Variants in EEFSEC observed in about 807,000 individuals in gnomAD.
EEFSEC encodes the protein selenocysteine-specific elongation factor.
EEFSEC carries 43 observed loss-of-function variants against 42.1 expected under a neutral mutation model. The ratio of observed to expected loss-of-function variants is 1.02; its 90% CI spans 0.80 to 1.32. The LOEUF (loss-of-function observed/expected upper bound fraction) is 1.32. Ranked by LOEUF, EEFSEC falls within the 40% of genes most tolerant of loss-of-function variation. EEFSEC has a pLI of 0.00. For synonymous variants in EEFSEC, 354 were observed against 339.1 expected (o/e 1.04, Z -0.48); for missense variants, 745 against 803.6 (o/e 0.93, Z 0.88).
intron 4 of EEFSEC, among the ~76,000 whole-genome samples, chr3:128,284,094 A>G (rs974562300): frequency 1.4e-4 from 21 of 152,008 alleles, no homozygotes; most frequent in African/African-American, 4.8e-4. Flanking sequence ...GAGTCATACC[A>G]CCGTGCTGCT....
intron 6 of EEFSEC, among the ~76,000 whole-genome samples, chr3:128,399,368 T>A (rs1395890458): frequency 6.6e-6 from 1 of 152,112 alleles, no homozygotes; most frequent in Non-Finnish European, 1.5e-5. Context: ...ATCAAAGGGG[T>A]GCATGAGCCC....
At chr3:128,358,174 C>G in intron 5 of EEFSEC, 43 bp from the exon 6 acceptor site, 2 of 1,600,666 alleles carry the variant, frequency 1.2e-6, no homozygotes. Context: ...TTTCAGTGTG[C>G]ACCACTAATG....
chr3:128,315,327 A>G (rs557256024), intron 4 of EEFSEC, among the ~76,000 whole-genome samples: 18 of 152,316 alleles, frequency 1.2e-4, no homozygotes, highest in African/African-American at 4.1e-4. Flanking sequence ...TCAGCAGAAA[A>G]ATAAAATGAC....
chr3:128,206,834 C>T (rs1334082379), intron 1 of EEFSEC, among the ~76,000 whole-genome samples: 1 of 152,122 alleles, frequency 6.6e-6, no homozygotes, highest in East Asian at 1.9e-4. Flanking sequence ...CTTCTGCTGC[C>T]CTGCCGACTT....
At chr3:128,251,709 A>G (rs1201965130) in intron 2 of EEFSEC, among the ~76,000 whole-genome samples, 1 of 152,128 alleles carries the variant, frequency 6.6e-6, no homozygotes, top group Non-Finnish European at 1.5e-5. Context: ...TAACCCTTCT[A>G]TCATATTTGC....
intron 4 of EEFSEC, among the ~76,000 whole-genome samples, chr3:128,323,163 G>A (rs148232347): frequency 3.5e-4 from 54 of 152,248 alleles, no homozygotes; most frequent in Non-Finnish European, 6.5e-4. Flanking sequence ...TGCACTTAGG[G>A]GTAGTTCACA....
At chr3:128,231,615 TC>T (rs1436886477) in intron 1 of EEFSEC, among the ~76,000 whole-genome samples, 1 of 152,156 alleles carries the variant, frequency 6.6e-6, no homozygotes, top group Non-Finnish European at 1.5e-5. Flanking sequence ...AGGCTGGCCC[TC>T]CCCAGGGATT....
chr3:128,204,647 G>C (rs1487646153), intron 1 of EEFSEC, among the ~76,000 whole-genome samples: 1 of 152,048 alleles, frequency 6.6e-6, no homozygotes, highest in Non-Finnish European at 1.5e-5. Context: ...TTTCCTGGGA[G>C]CATCTCCACG....
intron 6 of EEFSEC, among the ~76,000 whole-genome samples, chr3:128,392,482 C>T (rs1337020113): frequency 6.6e-6 from 1 of 152,220 alleles, no homozygotes; most frequent in East Asian, 1.9e-4. Context: ...GGTACCTCAG[C>T]TCACCCGTGA....
At chr3:128,285,029 G>A (rs2066568572) in intron 4 of EEFSEC, among the ~76,000 whole-genome samples, 1 of 152,090 alleles carries the variant, frequency 6.6e-6, no homozygotes, top group Non-Finnish European at 1.5e-5. Flanking sequence ...GGTCCAGAGT[G>A]GGTGTGGAAA....
intron 3 of EEFSEC, among the ~76,000 whole-genome samples, chr3:128,263,584 A>C (rs539903200): frequency 6.6e-6 from 1 of 152,334 alleles, no homozygotes; most frequent in African/African-American, 2.4e-5. Flanking sequence ...TATTCCTTTA[A>C]GAAGCCCCTA....
At chr3:128,293,315 G>A (rs1476042718) in intron 4 of EEFSEC, among the ~76,000 whole-genome samples, 1 of 152,160 alleles carries the variant, frequency 6.6e-6, no homozygotes, top group Non-Finnish European at 1.5e-5. Context: ...TCAGTTCAGA[G>A]TAGAAAAGCT....
In EEFSEC at chr3:128,267,855, C is replaced by A. The variant is rs58760196; in HGVS notation, c.786+3074C>A. On this transcript the variant is annotated intron_variant, in intron 4 of 6. Coordinates refer to ENST00000254730, the MANE Select transcript of EEFSEC (RefSeq NM_021937.5). ...AGCCGTCTTGGCTAATGGCATGGAC[C>A]CCTTGATGTATATAAGAGACCCTCA... Among the ~76,000 whole-genome samples the A allele has an allele frequency of 8.9e-4, 136 of 152,172 alleles. 1 individual carries two copies. The highest frequency in any genetic ancestry group is 3.2e-3 in the African/African-American group (132 of 41,504).
chr3:128,278,657 G>C (rs755973526), intron 4 of EEFSEC, among the ~76,000 whole-genome samples: 6 of 152,246 alleles, frequency 3.9e-5, no homozygotes, highest in Non-Finnish European at 8.8e-5. Context: ...AGCTTCAGCT[G>C]TTTCATCTAA....
intron 4 of EEFSEC, among the ~76,000 whole-genome samples, chr3:128,300,317 A>G (rs1270360744): frequency 6.6e-6 from 1 of 152,212 alleles, no homozygotes; most frequent in Admixed American, 6.5e-5. Flanking sequence ...TAAAAAGCCA[A>G]TGCGGGCCAG....
At chr3:128,300,317 A>C (rs1270360744) in intron 4 of EEFSEC, among the ~76,000 whole-genome samples, 1 of 152,212 alleles carries the variant, frequency 6.6e-6, no homozygotes, top group African/African-American at 2.4e-5. Flanking sequence ...TAAAAAGCCA[A>C]TGCGGGCCAG....
chr3:128,358,322 A>G lies in EEFSEC; in HGVS notation c.1549A>G (p.Ile517Val), dbSNP rs758885968. The change falls in exon 6 of 7, where the codon ATC becomes GTC. Residue 517 changes from isoleucine to valine, a missense_variant. Physicochemically the swap from Ile to Val is conservative, Grantham distance 29. Coordinates refer to ENST00000254730, the MANE Select transcript of EEFSEC (RefSeq NM_021937.5). Reference sequence around the variant, plus strand: ...GCACTTGTCCACTGGGGAACTGGGCATCATCGACAGTGCCTTCGGCCAGAG... The same window carrying G: ...GCACTTGTCCACTGGGGAACTGGGCGTCATCGACAGTGCCTTCGGCCAGAG... ...KVHLSTGELG[I>V]IDSAFGQSGK... 6.2e-7 allele frequency: 1 copy of G among 1,614,254 alleles called. No individual in the cohort carries two copies. The highest frequency in any genetic ancestry group is 1.1e-5 in the South Asian group (1 of 91,084).
At chr3:128,358,167 C>A in intron 5 of EEFSEC, 50 bp from the exon 6 acceptor site, 1 of 1,591,782 alleles carries the variant, frequency 6.3e-7, no homozygotes, top group Non-Finnish European at 8.6e-7. Context: ...ACAGCTCTTT[C>A]AGTGTGCACC....
intron 4 of EEFSEC, among the ~76,000 whole-genome samples, chr3:128,327,244 A>G (rs929461351): frequency 6.6e-6 from 1 of 152,038 alleles, no homozygotes; most frequent in Non-Finnish European, 1.5e-5. Context: ...GGAGGTATCA[A>G]GAACTCTGCC....
Sources: gnomAD v4.1 joint callset for allele counts (sites outside exome capture counted in the v4.1 genomes callset) on GRCh38, gnomAD v4.1.1 for gene constraint, MANE v1.5 for transcripts, NCBI Gene and HGNC (gene_info 2026-07-23, HGNC 2026-07-21) for gene names.